The following PREP variants were observed in gnomAD, a reference collection of about 807,000 sequenced individuals.
The protein encoded by PREP is prolyl endopeptidase.
A neutral mutation model predicts 87.6 loss-of-function variants in PREP; 29 were observed. That is an observed-to-expected ratio of 0.33 (90% confidence interval 0.25 to 0.45). The LOEUF (loss-of-function observed/expected upper bound fraction) is 0.45, where lower values mean the gene tolerates loss of function less well. Ranked by LOEUF, PREP falls within the 20% of genes least tolerant of loss-of-function variation. PREP has a pLI of 1.00. For missense variants in PREP, 695 were observed against 886.5 expected (o/e 0.78, Z 2.74); for synonymous variants, 337 against 328.6 (o/e 1.03, Z -0.28).
chr6:105,388,439 G>A (rs1490166650), intron 2 of PREP, among the ~76,000 whole-genome samples: 2 of 144,978 alleles, frequency 1.4e-5, no homozygotes, highest in Non-Finnish European at 3.0e-5. Context: ...AGTTTTTGCC[G>A]CTTGCATCAA....
intron 2 of PREP, among the ~76,000 whole-genome samples, chr6:105,380,797 T>C (rs1015418344): frequency 6.6e-6 from 1 of 152,152 alleles, no homozygotes; most frequent in Non-Finnish European, 1.5e-5. Flanking sequence ...ACCCTGAAGA[T>C]GTCATTTCCC....
At chr6:105,371,746 T>TGG (rs1013928767) in intron 5 of PREP, among the ~76,000 whole-genome samples, 37 of 152,112 alleles carry the variant, frequency 2.4e-4, no homozygotes, top group African/African-American at 8.5e-4. Flanking sequence ...AAGAAGCACA[T>TGG]GGTAGGAATT....
At chr6:105,308,746 CA>C (rs1463577527) in intron 10 of PREP, among the ~76,000 whole-genome samples, 1 of 152,146 alleles carries the variant, frequency 6.6e-6, no homozygotes, top group Non-Finnish European at 1.5e-5. Flanking sequence ...TTTCAATCGT[CA>C]AGTACTTAAA....
At chr6:105,398,358 A>G (rs1773339976) in intron 1 of PREP, among the ~76,000 whole-genome samples, 1 of 152,204 alleles carries the variant, frequency 6.6e-6, no homozygotes, top group Non-Finnish European at 1.5e-5. Context: ...TGAGCTTCCC[A>G]ATGATTAGAA....
chr6:105,281,952 C>G, intron 13 of PREP, 50 bp from the exon 14 acceptor site: 1 of 1,595,382 alleles, frequency 6.3e-7, no homozygotes, highest in Non-Finnish European at 8.5e-7. Context: ...CATTAAACAT[C>G]TACATAAACA....
At chr6:105,287,840 G>A (rs888668932) in intron 11 of PREP, among the ~76,000 whole-genome samples, 6 of 152,126 alleles carry the variant, frequency 3.9e-5, no homozygotes, top group Non-Finnish European at 8.8e-5. Context: ...CTTTATACTA[G>A]CAATGGGATA....
intron 14 of PREP, chr6:105,280,561 T>C (rs1430546583): frequency 2.0e-5 from 3 of 152,222 alleles, no homozygotes; most frequent in African/African-American, 7.2e-5. Flanking sequence ...TATGTAGCTA[T>C]ATTGAGCATA....
chr6:105,311,853 T>C (rs1188818861), intron 10 of PREP, among the ~76,000 whole-genome samples: 7 of 152,170 alleles, frequency 4.6e-5, no homozygotes, highest in African/African-American at 1.7e-4. Context: ...GAATTGTAAA[T>C]CCAAACAGGT....
At chr6:105,334,506 G>A (rs1771428255) in intron 7 of PREP, among the ~76,000 whole-genome samples, 1 of 152,120 alleles carries the variant, frequency 6.6e-6, no homozygotes, top group African/African-American at 2.4e-5. Flanking sequence ...ATCACTTGAG[G>A]TCAGGAGTTT....
intron 10 of PREP, chr6:105,322,943 C>T (rs1771050797): frequency 8.0e-7 from 1 of 1,242,566 alleles, no homozygotes; most frequent in African/African-American, 1.6e-5. Context: ...AAACAATGTT[C>T]TGATTCCTAA....
intron 1 of PREP, among the ~76,000 whole-genome samples, chr6:105,401,622 C>T (rs1048218712): frequency 6.6e-6 from 1 of 151,986 alleles, no homozygotes; most frequent in African/African-American, 2.4e-5. Context: ...AGGAAACAAC[C>T]TTTAAACCAC....
In PREP at chr6:105,281,760, A is replaced by C. The variant is rs1205439191; in HGVS notation, c.1824T>G (p.Phe608Leu). 1.2e-6 allele frequency: 2 copies of C among 1,613,242 alleles called. No homozygotes were observed. Among genetic ancestry groups the C allele is most frequent in the Non-Finnish European group, 1.7e-6 (2 of 1,179,818 alleles). Reference sequence around the variant, plus strand: ...TAAAACCTTACTTGACAAGCCATTCAAAGTGTTGTTTGCTGTCCGAGCACC... The same window carrying C: ...TAAAACCTTACTTGACAAGCCATTCCAAGTGTTGTTTGCTGTCCGAGCACC... ...DYGCSDSKQH[F>L]EWLVKYSPLH... The change falls in exon 14 of 15, where the codon TTT (phenylalanine) becomes TTG (leucine). Residue 608 changes from phenylalanine to leucine, a missense_variant. By Grantham distance (22) the Phe-to-Leu change is conservative. Around this residue, in one of 5 missense-constraint regions of PREP, gnomAD observed 121 missense variants for 154.8 expected, o/e 0.78. Coordinates refer to ENST00000652536, the MANE Select transcript of PREP (RefSeq NM_002726.5).
At chr6:105,321,248 T>A (rs181879801) in intron 10 of PREP, among the ~76,000 whole-genome samples, 28 of 152,370 alleles carry the variant, frequency 1.8e-4, no homozygotes, top group Admixed American at 1.8e-3. Context: ...CGCATTAAGA[T>A]CTGTACTATC....
At chr6:105,388,330 G>C (rs1773054536) in intron 2 of PREP, among the ~76,000 whole-genome samples, 1 of 152,188 alleles carries the variant, frequency 6.6e-6, no homozygotes, top group South Asian at 2.1e-4. Flanking sequence ...TGGGTGAAAA[G>C]TGACATTCCT....
chr6:105,280,775 C>T (rs960560270), intron 14 of PREP: 8 of 151,976 alleles, frequency 5.3e-5, no homozygotes, highest in African/African-American at 1.9e-4. Context: ...ACCACATTGC[C>T]CATGAAGGAC....
rs1275228711 is a variant in PREP, at chr6:105,361,358, T to A, written c.717+7545A>T. 2.0e-5 allele frequency among the ~76,000 whole-genome samples: 3 copies of A among 152,180 alleles called. No homozygotes were observed. In the East Asian group the frequency reaches 5.8e-4, roughly 29 times the overall value. On this transcript the variant is annotated intron_variant, in intron 6 of 14. Coordinates refer to ENST00000652536, the MANE Select transcript of PREP (RefSeq NM_002726.5). ...TCAAAGAAAAACTCAAAAGCTATTT[T>A]ATGCTACAGCAACTACACTCCAGTC...
Position 105,353,079 on chromosome 6 carries a change from T to TA in PREP, c.718-3dup. 1.2e-6 allele frequency: 2 copies of TA among 1,600,722 alleles called. No homozygotes were observed. The highest frequency in any genetic ancestry group is 1.7e-5 in the Admixed American group (1 of 58,212). On this transcript the variant is annotated splice_polypyrimidine_tract_variant and splice_region_variant and intron_variant, in intron 6 of 14. Transcript: ENST00000652536. ...GACATAGCGGCCATCATCAGATAACTAAAAAAGAAAAAAAAATAGTGCAGG... is the reference window on the plus strand; with the variant it reads ...GACATAGCGGCCATCATCAGATAACTAAAAAAAGAAAAAAAAATAGTGCAGG...
intron 10 of PREP, among the ~76,000 whole-genome samples, chr6:105,289,166 T>A (rs1417185402): frequency 1.3e-5 from 2 of 152,158 alleles, no homozygotes; most frequent in African/African-American, 2.4e-5. Context: ...ACATCGTTTA[T>A]CCTCTCCCAG....
At chr6:105,317,979 A>G (rs1028086519) in intron 10 of PREP, among the ~76,000 whole-genome samples, 3 of 152,026 alleles carry the variant, frequency 2.0e-5, no homozygotes, top group Non-Finnish European at 4.4e-5. Flanking sequence ...ATTTTTTAGG[A>G]GCCTTCATTT....
Sources: gnomAD v4.1 joint callset for allele counts (sites outside exome capture counted in the v4.1 genomes callset) on GRCh38, gnomAD v4.1.1 for gene constraint, gnomAD v4.1.1 regional missense constraint, MANE v1.5 for transcripts, NCBI Gene and HGNC (gene_info 2026-07-23, HGNC 2026-07-21) for gene names.